DYTN: variants seen among roughly 807,000 people sequenced by gnomAD.
DYTN encodes the protein dystrotelin.
In DYTN, 75 loss-of-function variants were observed where a neutral mutation model predicts 69.6. The observed-to-expected ratio is 1.08, with a 90% CI of 0.89 to 1.31. The LOEUF (loss-of-function observed/expected upper bound fraction) is 1.31. Among genes scored for constraint, DYTN ranks in the 50% most tolerant of loss-of-function variants. The probability of loss-of-function intolerance (pLI) is 0.00; values close to 1 mark genes in which losing one functional copy is unlikely to be tolerated. For missense variants in DYTN, 726 were observed against 688.4 expected (o/e 1.05, Z -0.61); for synonymous variants, 252 against 249.1 (o/e 1.01, Z -0.11).
At chr2:206,708,258 T>C (rs758923925) in intron 2 of DYTN, among the ~76,000 whole-genome samples, 19 of 152,164 alleles carry the variant, frequency 1.2e-4, no homozygotes, top group Non-Finnish European at 2.2e-4. Context: ...GCTAACCCCA[T>C]AGCTTCTTGC....
intron 9 of DYTN, among the ~76,000 whole-genome samples, chr2:206,671,705 A>G (rs915805915): frequency 6.6e-6 from 1 of 152,198 alleles, no homozygotes; most frequent in Admixed American, 6.5e-5. Context: ...AAATTCTCAA[A>G]TAACTCAGTG....
chr2:206,697,331 C>A (rs1314362608), intron 7 of DYTN, among the ~76,000 whole-genome samples: 2 of 152,138 alleles, frequency 1.3e-5, no homozygotes, highest in African/African-American at 4.8e-5. Context: ...TATCACAGAG[C>A]AAAAATGCTG....
chr2:206,663,783 G>A (rs1036012915), intron 10 of DYTN, among the ~76,000 whole-genome samples: 8 of 152,146 alleles, frequency 5.3e-5, no homozygotes, highest in Non-Finnish European at 7.3e-5. Flanking sequence ...TGTTGTGAAG[G>A]GTTTCACAGT....
intron 7 of DYTN, 30 bp from the exon 8 acceptor site, chr2:206,694,907 G>T: frequency 2.3e-5 from 27 of 1,189,246 alleles, no homozygotes; most frequent in Non-Finnish European, 2.7e-5. Flanking sequence ...CACAGCTTAC[G>T]TCACTAGTAG....
chr2:206,693,053 T>G, intron 9 of DYTN, 122 bp downstream of exon 9: 1 of 1,366,510 alleles, frequency 7.3e-7, no homozygotes, highest in South Asian at 1.6e-5. Context: ...AGTCCAACCC[T>G]CACCCCTCCT....
At chr2:206,692,243 C>A (rs1482719204) in intron 9 of DYTN, among the ~76,000 whole-genome samples, 4 of 148,398 alleles carry the variant, frequency 2.7e-5, no homozygotes. Flanking sequence ...CCAACCTGGG[C>A]GACAGAGTGA....
chr2:206,717,014 A>G (rs1700135853), intron 1 of DYTN, among the ~76,000 whole-genome samples: 1 of 147,268 alleles, frequency 6.8e-6, no homozygotes, highest in Admixed American at 6.9e-5. Context: ...CCTCAAGGCT[A>G]ACTTTTACAT....
At position 206,694,778 on chromosome 2, in the gene DYTN, C is replaced by A. The variant is rs1156787204; in HGVS notation, c.819G>T (p.Glu273Asp). Residue 273 changes from glutamate (E) to aspartate (D), a missense_variant, in exon 8 of 12, where the codon GAG becomes GAT. Coordinates refer to ENST00000452335, the MANE Select transcript of DYTN (RefSeq NM_001093730.1). ...CATTAAATGTTACCTGAATGCAGTG[C>A]TCAATGACAGGATGAGACTTCTGAT... is the stretch of plus-strand genomic sequence containing the variant. ...KSHQKSHPVI[E>D]HCIQMSAMQN... The A allele has an allele frequency of 2.5e-6, 4 of 1,606,664 alleles. No individual in the cohort carries two copies. In the South Asian group the frequency reaches 3.4e-5, roughly 13 times the overall value.
intron 5 of DYTN, among the ~76,000 whole-genome samples, chr2:206,702,957 G>T (rs935917003): frequency 3.3e-5 from 5 of 152,092 alleles, no homozygotes; most frequent in Non-Finnish European, 5.9e-5. Flanking sequence ...TGTTTAGGGG[G>T]GGATTTGAAT....
intron 9 of DYTN, among the ~76,000 whole-genome samples, chr2:206,685,004 G>A (rs995819457): frequency 2.0e-5 from 3 of 152,140 alleles, no homozygotes; most frequent in Admixed American, 2.0e-4. Flanking sequence ...GTAATGTAGG[G>A]AGCATTACAG....
intron 9 of DYTN, among the ~76,000 whole-genome samples, chr2:206,670,828 G>C (rs1027562644): frequency 9.2e-5 from 14 of 152,108 alleles, no homozygotes; most frequent in African/African-American, 3.4e-4. Flanking sequence ...AAGTTAAGTT[G>C]CTACCCTGAA....
intron 9 of DYTN, among the ~76,000 whole-genome samples, chr2:206,675,338 TA>T (rs1293524593): frequency 2.7e-5 from 4 of 148,606 alleles, no homozygotes; most frequent in Admixed American, 6.7e-5. Flanking sequence ...TAAATATATA[TA>T]TTTTTTTCAG....
chr2:206,699,494 C>CT (rs1699953382), intron 7 of DYTN, among the ~76,000 whole-genome samples: 1 of 152,120 alleles, frequency 6.6e-6, no homozygotes, highest in Non-Finnish European at 1.5e-5. Flanking sequence ...AGAAAAATGT[C>CT]TATTAGTCAC....
rs374794855 is a variant in DYTN at position 206,715,342 on chromosome 2, C to T, written c.19+2919G>A. Reference sequence around the variant, plus strand: ...CCTCATTGAGATTCCTCCCCAGAGGCGAGGGGGAGGGGAGATGACTTAGGG... The same window carrying T: ...CCTCATTGAGATTCCTCCCCAGAGGTGAGGGGGAGGGGAGATGACTTAGGG... On this transcript the variant is annotated intron_variant, in intron 1 of 11. Transcript: ENST00000452335. 7.4e-4 allele frequency among the ~76,000 whole-genome samples: 112 copies of T among 152,158 alleles called. 2 individuals carry two copies. The East Asian group carries it at 8.9e-3, about 12-fold the overall frequency.
rs114709725 is a variant in DYTN, at chr2:206,693,241, G to T, written c.914C>A (p.Ala305Glu). The change falls in exon 9 of 12, where the codon GCA becomes GAA. Residue 305 changes from alanine (A) to glutamate (E), a missense_variant. Physicochemically the swap from Ala to Glu is moderately radical, Grantham distance 107. Coordinates refer to ENST00000452335, the MANE Select transcript of DYTN (RefSeq NM_001093730.1). ...GTCCAGCAGCTGCTGCCTTCTCGCTGCTTCTTTCTTCCTACAGCGCCCCTG... is the reference window on the plus strand; with the variant it reads ...GTCCAGCAGCTGCTGCCTTCTCGCTTCTTCTTTCTTCCTACAGCGCCCCTG... Reference protein sequence around the residue: ...LLQGRCRKKEAARRQQLLDQV... With the variant: ...LLQGRCRKKEEARRQQLLDQV... The T allele has an allele frequency of 6.2e-7, 1 of 1,613,586 alleles. No homozygotes were observed. The highest frequency in any genetic ancestry group is 1.7e-5 in the Admixed American group (1 of 60,018).
At chr2:206,666,851 C>A (rs1398014188) in intron 9 of DYTN, among the ~76,000 whole-genome samples, 27 of 128,502 alleles carry the variant, frequency 2.1e-4, no homozygotes, top group Non-Finnish European at 3.2e-5. Flanking sequence ...CATGGCAAGA[C>A]CTCATCTCTA....
chr2:206,656,898 G>A (rs561427575), intron 11 of DYTN, among the ~76,000 whole-genome samples: 39 of 152,016 alleles, frequency 2.6e-4, no homozygotes, highest in African/African-American at 8.9e-4. Flanking sequence ...AAGTAACTGG[G>A]ATTAAAGGTG....
At chr2:206,688,325 T>A (rs1365468156) in intron 9 of DYTN, among the ~76,000 whole-genome samples, 1 of 152,194 alleles carries the variant, frequency 6.6e-6, no homozygotes, top group African/African-American at 2.4e-5. Context: ...CGTGTGTATT[T>A]TTTCATTAAG....
At position 206,706,440 on chromosome 2, in the gene DYTN, A is replaced by G. The variant is rs540020624; in HGVS notation, c.297-567T>C. The stretch of plus-strand genomic sequence containing the variant: ...AAGCTTAATGTTTAAGGAAGCTGAA[A>G]TGAAAAAATAACTTGAGAATGTATG... On this transcript the variant is annotated intron_variant, in intron 3 of 11. Coordinates refer to ENST00000452335, the MANE Select transcript of DYTN (RefSeq NM_001093730.1). 2.8e-4 allele frequency among the ~76,000 whole-genome samples: 42 copies of G among 152,188 alleles called. No individual in the cohort carries two copies. The South Asian group carries it at 7.7e-3, about 28-fold the overall frequency.
Sources: gnomAD v4.1 joint callset for allele counts (sites outside exome capture counted in the v4.1 genomes callset) on GRCh38, gnomAD v4.1.1 for gene constraint, MANE v1.5 for transcripts, NCBI Gene and HGNC (gene_info 2026-07-23, HGNC 2026-07-21) for gene names.